Variants in CTDSPL2 observed in about 807,000 individuals in gnomAD.
The protein encoded by CTDSPL2 is CTD small phosphatase like 2.
In CTDSPL2, 5 loss-of-function variants were observed where a neutral mutation model predicts 60.0. That is an observed-to-expected ratio of 0.08 (90% CI 0.04 to 0.18). The LOEUF (loss-of-function observed/expected upper bound fraction) is 0.18, where lower values mean the gene tolerates loss of function less well. Ranked by LOEUF, CTDSPL2 falls within the 10% of genes least tolerant of loss-of-function variation. The probability of loss-of-function intolerance (pLI) is 1.00; values close to 1 mark genes in which losing one functional copy is unlikely to be tolerated. For synonymous variants in CTDSPL2, 186 were observed against 189.3 expected (o/e 0.98, Z 0.14); for missense variants, 370 against 548.8 (o/e 0.67, Z 3.26).
intron 5 of CTDSPL2, among the ~76,000 whole-genome samples, chr15:44,492,873 T>TA (rs1375628346): frequency 6.6e-6 from 1 of 152,230 alleles, no homozygotes; most frequent in Non-Finnish European, 1.5e-5. Flanking sequence ...ATAAGACTAA[T>TA]AAAGTATAGA....
intron 12 of CTDSPL2, among the ~76,000 whole-genome samples, chr15:44,521,809 GC>G (rs1246840019): frequency 6.6e-6 from 1 of 151,020 alleles, no homozygotes; most frequent in African/African-American, 2.4e-5. Context: ...GTGGTAGCGG[GC>G]GCCTGTAGTC....
In CTDSPL2 at chr15:44,484,319, C is replaced by G. The variant is rs772958252; in HGVS notation, c.282C>G (p.Asn94Lys). ...TSTPRAGEKP[N>K]KQISRVRRKS... ...CACCAAGAGCAGGAGAAAAACCTAACAAACAGATATCTCGAGTAAGACGGA... is the reference window on the plus strand; with the variant it reads ...CACCAAGAGCAGGAGAAAAACCTAAGAAACAGATATCTCGAGTAAGACGGA... Residue 94 changes from asparagine to lysine, a missense_variant, in exon 3 of 13, where the codon AAC (asparagine) becomes AAG (lysine). Physicochemically the swap from Asn to Lys is moderately conservative, Grantham distance 94. Around this residue, in one of 6 missense-constraint regions of CTDSPL2, gnomAD observed 287 missense variants for 296.1 expected, o/e 0.97. Transcript: ENST00000260327. 1 of 1,613,474 alleles carries G rather than the reference C, an allele frequency of 6.2e-7. No homozygotes were observed. Among genetic ancestry groups the G allele is most frequent in the Non-Finnish European group, 8.5e-7 (1 of 1,179,644 alleles).
chr15:44,447,858 G>C (rs1400623099), intron 1 of CTDSPL2: 1 of 153,670 alleles, frequency 6.5e-6, no homozygotes, highest in East Asian at 1.9e-4. Flanking sequence ...ACTTCCTCCA[G>C]AGTTTAAGTG....
chr15:44,477,346 A>G (rs1012100941), intron 2 of CTDSPL2, among the ~76,000 whole-genome samples: 2 of 152,064 alleles, frequency 1.3e-5, no homozygotes, highest in African/African-American at 4.8e-5. Context: ...CAGCCTGGGC[A>G]ACATAGCAAA....
intron 2 of CTDSPL2, 115 bp from the exon 3 acceptor site, chr15:44,484,109 C>T: frequency 2.9e-5 from 27 of 922,722 alleles, no homozygotes; most frequent in Middle Eastern, 3.6e-4. Context: ...TTTGTTTTTC[C>T]TGGATATGAA....
At chr15:44,482,640 G>A (rs2081049271) in intron 2 of CTDSPL2, among the ~76,000 whole-genome samples, 1 of 152,140 alleles carries the variant, frequency 6.6e-6, no homozygotes, top group African/African-American at 2.4e-5. Flanking sequence ...CAGGAGAATA[G>A]TACATGGTCA....
At chr15:44,459,489 C>T (rs1215493566) in intron 2 of CTDSPL2, among the ~76,000 whole-genome samples, 2 of 152,188 alleles carry the variant, frequency 1.3e-5, no homozygotes, top group Non-Finnish European at 2.9e-5. Flanking sequence ...GATCGCACCA[C>T]TGCACTCCAA....
chr15:44,519,289 A>G lies in CTDSPL2; in HGVS notation c.1233A>G (p.Ala411=), dbSNP rs764403885. 1 of 1,544,904 alleles carries G rather than the reference A, an allele frequency of 6.5e-7. No individual in the cohort carries two copies. The highest frequency in any genetic ancestry group is 1.4e-5 in the African/African-American group (1 of 70,514). Residue 411 remains alanine, a synonymous_variant, in exon 11 of 13, where the codon GCA becomes GCG. Transcript: ENST00000260327. ...IIIDNSPQAF[A]YQLSNGIPIE... is the part of the protein sequence containing the mutation. The stretch of plus-strand genomic sequence containing the variant: ...TTGACAACTCACCACAAGCCTTTGC[A>G]TATCAGGTAGGAAGAAAGTTGATAA...
intron 2 of CTDSPL2, among the ~76,000 whole-genome samples, chr15:44,466,494 C>T (rs148891777): frequency 2.6e-5 from 4 of 152,170 alleles, no homozygotes; most frequent in Non-Finnish European, 5.9e-5. Flanking sequence ...TATATTTAGT[C>T]ATGTGTCACT....
intron 1 of CTDSPL2, among the ~76,000 whole-genome samples, chr15:44,432,269 A>C (rs780415140): frequency 2.0e-4 from 30 of 151,668 alleles, no homozygotes; most frequent in Non-Finnish European, 3.4e-4. Flanking sequence ...TGTACTAGGG[A>C]CTATGTATTT....
At chr15:44,521,088 C>T (rs927256990) in intron 11 of CTDSPL2, 1 of 271,026 alleles carries the variant, frequency 3.7e-6, no homozygotes, top group Admixed American at 5.2e-5. Flanking sequence ...GTTTTATATA[C>T]TCTGAGAAGA....
At chr15:44,431,381 A>G (rs759442973) in intron 1 of CTDSPL2, among the ~76,000 whole-genome samples, 12 of 152,240 alleles carry the variant, frequency 7.9e-5, no homozygotes, top group Non-Finnish European at 1.8e-4. Context: ...TATATTCACT[A>G]GTGTTTGTAT....
chr15:44,441,420 C>T (rs919240686), intron 1 of CTDSPL2, among the ~76,000 whole-genome samples: 1 of 152,178 alleles, frequency 6.6e-6, no homozygotes, highest in South Asian at 2.1e-4. Flanking sequence ...GTCCCATGTT[C>T]GCATATTGTG....
chr15:44,428,632 G>A (rs2141241909), intron 1 of CTDSPL2, among the ~76,000 whole-genome samples: 1 of 152,344 alleles, frequency 6.6e-6, no homozygotes, highest in African/African-American at 2.4e-5. Context: ...CTCAGTAGAT[G>A]TTCCTCCGAG....
At chr15:44,490,229 C>T (rs764088490) in intron 4 of CTDSPL2, among the ~76,000 whole-genome samples, 9 of 152,154 alleles carry the variant, frequency 5.9e-5, no homozygotes, top group Non-Finnish European at 1.2e-4. Flanking sequence ...TGACCTCCTT[C>T]TGGGCCCAAG....
chr15:44,486,745 A>G (rs2081125933), intron 4 of CTDSPL2, 45 bp downstream of exon 4: 1 of 1,293,212 alleles, frequency 7.7e-7, no homozygotes, highest in African/African-American at 1.6e-5. Flanking sequence ...TTTTAAAAAA[A>G]TGCATAGTTT....
intron 8 of CTDSPL2, among the ~76,000 whole-genome samples, chr15:44,502,894 G>A (rs1023232110): frequency 5.3e-5 from 8 of 151,982 alleles, no homozygotes; most frequent in East Asian, 1.9e-4. Context: ...TTAATGATAC[G>A]TACTCTTCTT....
chr15:44,505,093 T>TAAAATA (rs2081438501), intron 8 of CTDSPL2, among the ~76,000 whole-genome samples: 2 of 152,132 alleles, frequency 1.3e-5, no homozygotes, highest in Non-Finnish European at 2.9e-5. Context: ...TTTATGGGGA[T>TAAAATA]TCTTTGTCTA....
chr15:44,508,701 T>TCACGAGGTCAGGAGTTCAAGAC (rs2081514440), intron 8 of CTDSPL2, among the ~76,000 whole-genome samples: 2 of 152,092 alleles, frequency 1.3e-5, no homozygotes, highest in African/African-American at 4.8e-5. Flanking sequence ...GGCGGGTGGA[T>TCACGAGGTCAGGAGTTCAAGAC]CACGAGGTCA....
Sources: gnomAD v4.1 joint callset for allele counts (sites outside exome capture counted in the v4.1 genomes callset) on GRCh38, gnomAD v4.1.1 for gene constraint, gnomAD v4.1.1 regional missense constraint, MANE v1.5 for transcripts, NCBI Gene and HGNC (gene_info 2026-07-23, HGNC 2026-07-21) for gene names.